The following COA8 variants were observed in gnomAD, a reference collection of about 807,000 sequenced individuals.
COA8 encodes the protein UPF0671 protein C14orf153.
In COA8, 20 loss-of-function variants were observed where a neutral mutation model predicts 22.0. The ratio of observed to expected loss-of-function variants is 0.91; its 90% confidence interval spans 0.64 to 1.32. The LOEUF is 1.32. Ranked by LOEUF, COA8 falls within the 40% of genes most tolerant of loss-of-function variation. The probability of loss-of-function intolerance (pLI) is 0.00; values close to 1 mark genes in which losing one functional copy is unlikely to be tolerated. For synonymous variants in COA8, 105 were observed against 79.9 expected, an observed-to-expected ratio of 1.31 and a Z score of -1.68; for missense variants, 266 against 230.0, an observed-to-expected ratio of 1.16 and a Z score of -1.01.
At chr14:103,569,653 C>T (rs946895700) in intron 1 of COA8, among the ~76,000 whole-genome samples, 7 of 152,188 alleles carry the variant, frequency 4.6e-5, no homozygotes, top group Non-Finnish European at 1.0e-4. Flanking sequence ...GGGAAGGAGT[C>T]GCCGTCCTGG....
rs78934712 is a variant in COA8, at chr14:103,582,700, T to C, written c.386-4574T>C. Among the ~76,000 whole-genome samples the C allele has an allele frequency of 9.2e-3, 1,399 of 151,478 alleles. 18 individuals are homozygous for C. Among genetic ancestry groups the C allele is most frequent in the African/African-American group, 0.032 (1,319 of 41,158 alleles). ...GAAGAAAATGAATTATGCTGTGACCTTTAGATACGATTCACATACCATAAA... is the reference window on the plus strand; with the variant it reads ...GAAGAAAATGAATTATGCTGTGACCCTTAGATACGATTCACATACCATAAA... On this transcript the variant is annotated intron_variant, in intron 3 of 4. Coordinates refer to ENST00000409074, the MANE Select transcript of COA8 (RefSeq NM_001370595.2).
chr14:103,585,002 G>A (rs1360193432), intron 3 of COA8, among the ~76,000 whole-genome samples: 2 of 152,008 alleles, frequency 1.3e-5, no homozygotes, highest in Non-Finnish European at 2.9e-5. Context: ...GCCAGGTATG[G>A]TGGTGCGTGC....
Position 103,571,988 on chromosome 14 carries a change from G to A in COA8, c.321+168G>A, listed in dbSNP as rs148563136. ...TAAAAATACAAAAAATTAGCCCGGC[G>A]TGGTGGCGGGCGCCTGTAGTTCCAG... On this transcript the variant is annotated intron_variant, in intron 2 of 4. Coordinates refer to ENST00000409074, the MANE Select transcript of COA8 (RefSeq NM_001370595.2). Among the ~76,000 whole-genome samples the A allele has an allele frequency of 0.013, 1,944 of 152,200 alleles. 56 individuals are homozygous for A. Among genetic ancestry groups the A allele is most frequent in the African/African-American group, 0.044 (1,814 of 41,518 alleles).
rs559856575 is a variant in COA8 at position 103,562,987 on chromosome 14, A to AG, written c.-10dup. ...AATGCTGCCGTGCGCCGCGGGAGCC[A>AG]GGGGGCGTGGGGCCATGGTGGTCTT... is the stretch of plus-strand genomic sequence containing the variant. On this transcript the variant is annotated 5_prime_UTR_variant, in exon 1 of 5. Coordinates refer to ENST00000409074, the MANE Select transcript of COA8 (RefSeq NM_001370595.2). 3.7e-5 allele frequency: 57 copies of AG among 1,540,980 alleles called. No homozygotes were observed. In the East Asian group the frequency reaches 4.7e-4, roughly 13 times the overall value.
intron 2 of COA8, among the ~76,000 whole-genome samples, chr14:103,572,884 G>A (rs1350514934): frequency 2.0e-5 from 3 of 151,934 alleles, no homozygotes; most frequent in African/African-American, 7.2e-5. Context: ...CCAGGTTCAG[G>A]TGATTCTCTT....
chr14:103,576,569 A>AGCTG (rs1301773262), intron 3 of COA8, among the ~76,000 whole-genome samples: 4 of 152,134 alleles, frequency 2.6e-5, no homozygotes, highest in African/African-American at 9.7e-5. Context: ...AGGCGGGTGG[A>AGCTG]GCTGGCCCCA....
chr14:103,580,203 A>C (rs984859853), intron 3 of COA8, among the ~76,000 whole-genome samples: 1 of 152,004 alleles, frequency 6.6e-6, no homozygotes, highest in African/African-American at 2.4e-5. Context: ...CAGCCTCCCA[A>C]GTTGCTGGGA....
chr14:103,563,201 C>T lies in COA8; in HGVS notation c.123+77C>T, dbSNP rs564204975. ...ACAAACCCGGGCCTCGGGGCCACTC[C>T]CTGTTCTGCACAGCCGCCTCAGGCC... On this transcript the variant is annotated intron_variant, in intron 1 of 4. Transcript: ENST00000409074. 42 of 1,513,318 alleles carry T rather than the reference C, an allele frequency of 2.8e-5. No homozygotes were observed. In the East Asian group the frequency reaches 8.8e-4, roughly 32 times the overall value. The allele number at this position is 1,513,318 out of a possible 1,614,324, so 93.7% of individuals were successfully genotyped here.
In COA8 at chr14:103,588,022, A is replaced by G. The variant is rs764954905; in HGVS notation, c.476+658A>G. 1.8e-4 allele frequency: 41 copies of G among 226,298 alleles called. 1 individual carries two copies. Among genetic ancestry groups the G allele is most frequent in the Non-Finnish European group, 2.2e-4 (26 of 118,336 alleles). 14.0% of individuals were successfully genotyped at this position (226,298 alleles called of 1,614,324 possible). A position where few individuals can be genotyped will look rare whatever the true frequency, so the allele number is the denominator to read the frequency against. On this transcript the variant is annotated intron_variant, in intron 4 of 4. Transcript: ENST00000409074. Reference sequence around the variant, plus strand: ...AGCCAGCTGCTCCGGAGGCTCAGTCAGGAGAATCGCTTGAACGTGGAAGGT... The same window carrying G: ...AGCCAGCTGCTCCGGAGGCTCAGTCGGGAGAATCGCTTGAACGTGGAAGGT...
At chr14:103,585,678 C>T (rs1299795653) in intron 3 of COA8, among the ~76,000 whole-genome samples, 1 of 146,226 alleles carries the variant, frequency 6.8e-6, no homozygotes, top group African/African-American at 2.5e-5. Context: ...CGGGTTCAAG[C>T]AATTCTCCTG....
At position 103,590,453 on chromosome 14, in the gene COA8, C is replaced by T. The variant is rs1048399597; in HGVS notation, c.*167C>T. On this transcript the variant is annotated 3_prime_UTR_variant, in exon 5 of 5. Transcript: ENST00000409074. ...GGGTAGGTCCTGGGGCACTGTGGGC[C>T]GCCTGCCTGCTGATGTGGGCTCTAG... 1.9e-5 allele frequency: 11 copies of T among 591,990 alleles called. No homozygotes were observed. The highest frequency in any genetic ancestry group is 3.8e-5 in the African/African-American group (2 of 52,898). 36.7% of individuals were successfully genotyped at this position (591,990 alleles called of 1,614,324 possible).
At chr14:103,589,512 G>A (rs2076334596) in intron 4 of COA8, among the ~76,000 whole-genome samples, 4 of 152,074 alleles carry the variant, frequency 2.6e-5, no homozygotes, top group Admixed American at 2.6e-4. Context: ...AAGAGGCTGA[G>A]GCAGAAGAAT....
intron 2 of COA8, among the ~76,000 whole-genome samples, chr14:103,573,317 C>T (rs538151660): frequency 6.6e-6 from 1 of 151,644 alleles, no homozygotes; most frequent in African/African-American, 2.4e-5. Flanking sequence ...TTACAGGCGC[C>T]CGCCACCACA....
intron 1 of COA8, among the ~76,000 whole-genome samples, chr14:103,566,369 G>A (rs963744294): frequency 1.3e-5 from 2 of 152,154 alleles, no homozygotes; most frequent in African/African-American, 4.8e-5. Flanking sequence ...GCAGTGAGCC[G>A]AGATCGCGCC....
At chr14:103,575,124 G>A (rs893883505) in intron 3 of COA8, among the ~76,000 whole-genome samples, 2 of 152,246 alleles carry the variant, frequency 1.3e-5, no homozygotes, top group East Asian at 1.9e-4. Context: ...CCGTGTATGC[G>A]TGCGTGTGTA....
At chr14:103,577,984 A>G (rs2076241112) in intron 3 of COA8, among the ~76,000 whole-genome samples, 1 of 141,838 alleles carries the variant, frequency 7.1e-6, no homozygotes, top group Admixed American at 7.8e-5. Flanking sequence ...AGATTGCACC[A>G]TTGCACTCCA....
chr14:103,579,540 G>C (rs1352078347), intron 3 of COA8: 1 of 153,152 alleles, frequency 6.5e-6, no homozygotes, highest in Non-Finnish European at 1.5e-5. Flanking sequence ...GTAGAGGCAG[G>C]GTTTCACCAT....
intron 2 of COA8, 66 bp downstream of exon 2, chr14:103,571,886 G>A (rs1040053567): frequency 1.2e-5 from 16 of 1,388,342 alleles, no homozygotes; most frequent in East Asian, 4.7e-5. Flanking sequence ...CCAGCACTTC[G>A]GGATGCCGAG....
rs181050788 is a variant in COA8, at chr14:103,565,848, C to G, written c.123+2724C>G. Among the ~76,000 whole-genome samples, 12 of 151,968 alleles carry G rather than the reference C, an allele frequency of 7.9e-5. No homozygotes were observed. The East Asian group carries it at 1.6e-3, about 20-fold the overall frequency. ...CAGGGTGGTCTTGAACTCCTGACCT[C>G]AGGTGATCTGCTCACCTCAGCCTCC... is the stretch of plus-strand genomic sequence containing the variant. On this transcript the variant is annotated intron_variant, in intron 1 of 4. Coordinates refer to ENST00000409074, the MANE Select transcript of COA8 (RefSeq NM_001370595.2).
Sources: gnomAD v4.1 joint callset for allele counts (sites outside exome capture counted in the v4.1 genomes callset) on GRCh38, gnomAD v4.1.1 for gene constraint, MANE v1.5 for transcripts, NCBI Gene and HGNC (gene_info 2026-07-23, HGNC 2026-07-21) for gene names.